The following TENM1 variants were observed in gnomAD, a reference collection of about 807,000 sequenced individuals.
TENM1 encodes the protein teneurin transmembrane protein 1.
A neutral mutation model predicts 174.8 loss-of-function variants in TENM1; 35 were observed. The ratio of observed to expected loss-of-function variants is 0.20; its 90% CI spans 0.15 to 0.27. The LOEUF (loss-of-function observed/expected upper bound fraction) is 0.27, where lower values mean the gene tolerates loss of function less well. TENM1 is among the 10% of genes least tolerant of loss of function. The pLI, the probability that TENM1 is intolerant of heterozygous loss-of-function variation, is 1.00. For missense variants in TENM1, 1,633 were observed against 2,130.1 expected, an observed-to-expected ratio of 0.77 and a Z score of 4.59; for synonymous variants, 781 against 798.7, an observed-to-expected ratio of 0.98 and a Z score of 0.37.
At chrX:124,524,351 T>C (rs756987129) in intron 16 of TENM1, among the ~76,000 whole-genome samples, 1 of 112,336 alleles carries the variant, frequency 8.9e-6, no homozygotes, top group East Asian at 2.8e-4. Flanking sequence ...AATCCTATAA[T>C]GTAACATAAG....
chrX:125,086,701 A>T, the TENM1 span, among the ~76,000 whole-genome samples: 4 of 111,148 alleles, frequency 3.6e-5, no homozygotes, highest in South Asian at 1.5e-3. Flanking sequence ...GCCATTAAAA[A>T]AAGAAGAATA....
exon 5 of TENM1, chrX:124,705,187 G>T: frequency 8.3e-7 from 1 of 1,210,620 alleles, no homozygotes; most frequent in South Asian, 1.8e-5. Flanking sequence ...GATGTCAGAG[G>T]GTAGTTCTGA....
intron 14 of TENM1, among the ~76,000 whole-genome samples, chrX:124,556,629 G>T (rs1389300392): frequency 9.1e-6 from 1 of 110,453 alleles, no homozygotes; most frequent in African/African-American, 3.3e-5. Flanking sequence ...CTTACTTACA[G>T]TTCTGATTTG....
At chrX:124,717,117 G>A (rs1293433349) in intron 4 of TENM1, among the ~76,000 whole-genome samples, 3 of 111,315 alleles carry the variant, frequency 2.7e-5, no homozygotes, top group Admixed American at 1.9e-4. Context: ...TTCTGAGGAG[G>A]CAGGGACTGA....
At chrX:124,755,309 A>T (rs1016848105) in intron 3 of TENM1, among the ~76,000 whole-genome samples, 1 of 110,530 alleles carries the variant, frequency 9.0e-6, no homozygotes, top group African/African-American at 3.3e-5. Context: ...TAGGATGGCA[A>T]TCCCGGCCTT....
At chrX:125,099,213 CTGTT>C in the TENM1 span, among the ~76,000 whole-genome samples, 2 of 111,818 alleles carry the variant, frequency 1.8e-5, no homozygotes, top group South Asian at 7.5e-4. Flanking sequence ...GCTAGTTTGT[CTGTT>C]TGGGTTTTTT....
chrX:124,471,298 T>TTATAATATATAGTACTATA (rs1556644341), intron 22 of TENM1, among the ~76,000 whole-genome samples: 3,123 of 24,650 alleles, frequency 0.13, 1,220 homozygotes, highest in Non-Finnish European at 0.15. Context: ...GTACTATATA[T>TTATAATATATAGTACTATA]TATAATATAT....
the TENM1 span, among the ~76,000 whole-genome samples, chrX:125,157,548 A>G: frequency 8.9e-6 from 1 of 112,035 alleles, no homozygotes; most frequent in Admixed American, 9.5e-5. Flanking sequence ...ATAAAACTTG[A>G]TGATGATTGG....
chrX:124,964,339 A>C (rs1205514760), upstream of TENM1, among the ~76,000 whole-genome samples: 1 of 111,617 alleles, frequency 9.0e-6, no homozygotes, highest in Non-Finnish European at 1.9e-5. Flanking sequence ...GAGCTCATGG[A>C]ATAAAGTATC....
intron 23 of TENM1, among the ~76,000 whole-genome samples, chrX:124,452,960 T>C (rs2061060002): frequency 1.8e-5 from 2 of 110,358 alleles, no homozygotes; most frequent in African/African-American, 6.6e-5. Context: ...TGTATACATA[T>C]GTAACTAACC....
At chrX:124,982,602 G>GA in the TENM1 span, among the ~76,000 whole-genome samples, 1 of 111,976 alleles carries the variant, frequency 8.9e-6, no homozygotes, top group Admixed American at 9.5e-5. Flanking sequence ...ACACTCTCAG[G>GA]AAAAATACTA....
intron 9 of TENM1, among the ~76,000 whole-genome samples, chrX:124,645,768 C>A (rs2051141624): frequency 8.9e-6 from 1 of 112,135 alleles, no homozygotes; most frequent in African/African-American, 3.2e-5. Flanking sequence ...TTCTATTGGA[C>A]AGATGTCTGT....
At chrX:124,869,059 T>C (rs1603253925) in intron 3 of TENM1, among the ~76,000 whole-genome samples, 1 of 83,038 alleles carries the variant, frequency 1.2e-5, no homozygotes, top group Non-Finnish European at 2.3e-5. Context: ...ATACCGTCTC[T>C]ACCAAAAAAA....
At chrX:124,849,454 AGACAAAGCTGCCATGCTGT>A (rs1287595533) in intron 3 of TENM1, among the ~76,000 whole-genome samples, 2 of 101,753 alleles carry the variant, frequency 2.0e-5, no homozygotes, top group African/African-American at 9.0e-5. Flanking sequence ...TTGCTGGCTT[AGACAAAGCTGCCATGCTGT>A]GAGTAGACCT....
intron 3 of TENM1, among the ~76,000 whole-genome samples, chrX:124,771,576 A>G (rs2054654846): frequency 8.9e-6 from 1 of 112,425 alleles, no homozygotes; most frequent in Non-Finnish European, 1.9e-5. Flanking sequence ...GCAATCCTTA[A>G]ATGTCAGTTT....
chrX:124,565,439 A>G (rs1247204250), exon 12 of TENM1: 5 of 1,208,151 alleles, frequency 4.1e-6, no homozygotes, highest in Non-Finnish European at 5.6e-6. Flanking sequence ...TGCATTGGCC[A>G]TGCTCAGTAC....
intron 18 of TENM1, among the ~76,000 whole-genome samples, chrX:124,518,083 G>A (rs1250640849): frequency 9.0e-6 from 1 of 110,876 alleles, no homozygotes. Context: ...CCTAAGCACT[G>A]GCATAACTGG....
At chrX:124,650,651 C>G (rs1481151606) in intron 8 of TENM1, among the ~76,000 whole-genome samples, 1 of 111,721 alleles carries the variant, frequency 9.0e-6, no homozygotes, top group East Asian at 2.8e-4. Context: ...AGAAACTCAA[C>G]CTTTTATAAC....
At chrX:124,393,380 CT>C (rs1427624243) in intron 27 of TENM1, among the ~76,000 whole-genome samples, 2 of 110,241 alleles carry the variant, frequency 1.8e-5, no homozygotes, top group Non-Finnish European at 3.8e-5. Context: ...AACACAATCA[CT>C]TAGAAAATGC....
Sources: allele counts gnomAD v4.1 joint callset (sites outside exome capture counted in the v4.1 genomes callset), GRCh38; gene constraint gnomAD v4.1.1; transcripts MANE v1.5; gene names NCBI Gene and HGNC (gene_info 2026-07-23, HGNC 2026-07-21).